GAK: variants seen among roughly 807,000 people sequenced by gnomAD.
GAK encodes the protein cyclin G associated kinase.
A neutral mutation model predicts 143.9 loss-of-function variants in GAK; 79 were observed. The ratio of observed to expected loss-of-function variants is 0.55; its 90% CI spans 0.46 to 0.66. GAK has a LOEUF of 0.66. Ranked by LOEUF, GAK falls within the 30% of genes least tolerant of loss-of-function variation. The pLI, the probability that GAK is intolerant of heterozygous loss-of-function variation, is 0.00. For missense variants in GAK, 1,693 were observed against 1,779.7 expected (o/e 0.95, Z 0.88); for synonymous variants, 881 against 765.5 (o/e 1.15, Z -2.49).
At chr4:889,039 C>T in intron 10 of GAK, 69 bp from the exon 11 acceptor site, 1 of 1,514,396 alleles carries the variant, frequency 6.6e-7, no homozygotes, top group African/African-American at 1.4e-5. Context: ...GGGTTGCTGG[C>T]TGGGCCCAGG....
At chr4:906,326 G>C (rs930657354) in intron 4 of GAK, among the ~76,000 whole-genome samples, 2 of 152,210 alleles carry the variant, frequency 1.3e-5, no homozygotes, top group South Asian at 2.1e-4. Context: ...GATGACAAAT[G>C]ATCATTCTCA....
Position 866,436 on chromosome 4 carries a change from T to C in GAK, c.2971A>G (p.Thr991Ala). 1 of 1,614,102 alleles carries C rather than the reference T, an allele frequency of 6.2e-7. No individual in the cohort carries two copies. Among genetic ancestry groups the C allele is most frequent in the East Asian group, 2.2e-5 (1 of 44,886 alleles). Residue 991 changes from threonine (T) to alanine (A), a missense_variant, in exon 22 of 28, where the codon ACC becomes GCC. By Grantham distance (58) the Thr-to-Ala change is moderately conservative (BLOSUM62 0). Coordinates refer to ENST00000314167, the MANE Select transcript of GAK (RefSeq NM_005255.4). ...FGEFLNSDSV[T>A]VPPSFPSAHS... is the part of the protein sequence containing the mutation. ...GCAGACGGGAAGGATGGTGGGACGGTCACAGAGTCCGAATTGAGAAATTCG... is the reference window on the plus strand; with the variant it reads ...GCAGACGGGAAGGATGGTGGGACGGCCACAGAGTCCGAATTGAGAAATTCG...
chr4:880,271 A>T (rs1034005218), intron 15 of GAK, among the ~76,000 whole-genome samples: 6 of 149,026 alleles, frequency 4.0e-5, no homozygotes, highest in African/African-American at 1.5e-4. Context: ...CATGTGGATC[A>T]CTGGACCACG....
chr4:917,539 T>TAC (rs1471389184), intron 1 of GAK, among the ~76,000 whole-genome samples: 1 of 151,900 alleles, frequency 6.6e-6, no homozygotes. Flanking sequence ...AGAGAGTACA[T>TAC]ATACACATAC....
At position 893,893 on chromosome 4, in the gene GAK, C is replaced by T. The variant is rs896361503; in HGVS notation, c.858G>A (p.Thr286=). 14 of 1,605,006 alleles carry T rather than the reference C, an allele frequency of 8.7e-6. No individual in the cohort carries two copies. The highest frequency in any genetic ancestry group is 1.7e-4 in the Middle Eastern group (1 of 6,042). Residue 286 remains threonine, a synonymous_variant, in exon 8 of 28, where the codon ACG becomes ACA. Transcript: ENST00000314167. The part of the protein sequence containing the change: ...YSIPPHDTQY[T]VFHSLIRAML... ...ACTTACGGATGAGGCTGTGGAAGAC[C>T]GTGTACTGCGTGTCGTGCGGGGGGA...
chr4:881,838 C>T, intron 15 of GAK, 69 bp downstream of exon 15: 1 of 1,495,290 alleles, frequency 6.7e-7, no homozygotes, highest in Non-Finnish European at 9.0e-7. Context: ...CAGGAGACAC[C>T]ACAGCGGGGG....
chr4:863,883 C>T (rs1307012629), intron 23 of GAK, among the ~76,000 whole-genome samples: 4 of 152,034 alleles, frequency 2.6e-5, no homozygotes, highest in Admixed American at 6.5e-5. Flanking sequence ...ATTAGTTGGG[C>T]GTGGTGGCAG....
At chr4:893,830 T>C (rs755909390) in intron 8 of GAK, 44 bp downstream of exon 8, 4 of 1,525,992 alleles carry the variant, frequency 2.6e-6, no homozygotes, top group South Asian at 1.3e-5. Flanking sequence ...GCGGGGTCTG[T>C]GCTCCAGGGT....
Position 849,438 on chromosome 4 carries a change from C to G in GAK, c.*235G>C, listed in dbSNP as rs563945031. The G allele has an allele frequency of 1.8e-6, 1 of 559,934 alleles. No individual in the cohort carries two copies. The highest frequency in any genetic ancestry group is 3.2e-6 in the Non-Finnish European group (1 of 311,240). The allele number at this position is 559,934 out of a possible 1,614,324, so 34.7% of individuals were successfully genotyped here. The stretch of plus-strand genomic sequence containing the variant: ...AAATAAATCACAGACGTGACAATTG[C>G]GGGAGGAGCATGAATCAGCTGTTCC... On this transcript the variant is annotated 3_prime_UTR_variant, in exon 28 of 28. Coordinates refer to ENST00000314167, the MANE Select transcript of GAK (RefSeq NM_005255.4).
rs369233298 is a variant in GAK, at chr4:890,593, G to A, written c.1020C>T (p.Ser340=). The A allele has an allele frequency of 1.9e-5, 31 of 1,611,156 alleles. No individual in the cohort carries two copies. The highest frequency in any genetic ancestry group is 2.7e-5 in the African/African-American group (2 of 74,884). ...ELLEQNGGYG[S]ATLSRGPPPP... ...GGGGTGGCCCTCGGGACAGTGTGGC[G>A]CTCCCGTAGCCTCCATTCTGCTCCA... Residue 340 remains serine, a synonymous_variant, in exon 10 of 28, where the codon AGC becomes AGT. Coordinates refer to ENST00000314167, the MANE Select transcript of GAK (RefSeq NM_005255.4).
intron 1 of GAK, among the ~76,000 whole-genome samples, chr4:928,313 C>T (rs1406024227): frequency 1.3e-5 from 2 of 152,230 alleles, no homozygotes; most frequent in African/African-American, 4.8e-5. Context: ...CCACCTCGGC[C>T]TCCCAAAGTG....
At chr4:869,937 G>C (rs1170729101) in intron 19 of GAK, 1 of 147,676 alleles carries the variant, frequency 6.8e-6, no homozygotes, top group Non-Finnish European at 1.5e-5. Context: ...ACACATGCAT[G>C]CACACACACA....
chr4:876,615 A>G lies in GAK; in HGVS notation c.1975-6T>C, dbSNP rs1172496020. ...AACATCTTCATGGATGCCATCTGCAAAGAGAGCAAACACGACACCCCACGT... is the reference window on the plus strand; with the variant it reads ...AACATCTTCATGGATGCCATCTGCAGAGAGAGCAAACACGACACCCCACGT... On this transcript the variant is annotated splice_polypyrimidine_tract_variant and splice_region_variant and intron_variant, in intron 17 of 27. Transcript: ENST00000314167. The G allele has an allele frequency of 1.2e-6, 2 of 1,613,720 alleles. No individual in the cohort carries two copies. The highest frequency in any genetic ancestry group is 1.7e-6 in the Non-Finnish European group (2 of 1,179,740).
chr4:859,527 C>T, intron 24 of GAK, 79 bp downstream of exon 24: 2 of 1,595,068 alleles, frequency 1.3e-6, no homozygotes, highest in East Asian at 2.3e-5. Flanking sequence ...TCACTTTGGG[C>T]AGCTCAGAGT....
At chr4:890,653 T>C (rs1400094112) in intron 9 of GAK, 31 bp from the exon 10 acceptor site, 1 of 1,573,720 alleles carries the variant, frequency 6.4e-7, no homozygotes, top group Non-Finnish European at 8.7e-7. Context: ...AGGTCAGTTC[T>C]CTAAACTGAC....
chr4:851,173 C>CT, intron 25 of GAK, 89 bp from the exon 26 acceptor site: 1 of 1,205,096 alleles, frequency 8.3e-7, no homozygotes, highest in South Asian at 1.4e-5. Flanking sequence ...TCTCAGCTCT[C>CT]TGCAGCCTTT....
At chr4:868,993 C>T (rs535589196) in intron 19 of GAK, 45 of 382,280 alleles carry the variant, frequency 1.2e-4, no homozygotes, top group African/African-American at 7.4e-4. Flanking sequence ...TGCACACACA[C>T]AGCTGCACGG....
intron 5 of GAK, among the ~76,000 whole-genome samples, chr4:898,913 T>C (rs1719329247): frequency 6.6e-6 from 1 of 150,866 alleles, no homozygotes; most frequent in Admixed American, 6.6e-5. Context: ...GGCCACACAA[T>C]TGTGAAGCCC....
At chr4:879,681 C>T (rs1714706653) in intron 15 of GAK, among the ~76,000 whole-genome samples, 1 of 152,126 alleles carries the variant, frequency 6.6e-6, no homozygotes, top group African/African-American at 2.4e-5. Flanking sequence ...TGCTTGGTGA[C>T]CTCTGAGCTT....
Sources: allele counts gnomAD v4.1 joint callset (sites outside exome capture counted in the v4.1 genomes callset), GRCh38; gene constraint gnomAD v4.1.1; transcripts MANE v1.5; gene names NCBI Gene and HGNC (gene_info 2026-07-23, HGNC 2026-07-21).